The following NRG1 variants were observed in gnomAD, a reference collection of about 807,000 sequenced individuals.
The protein encoded by NRG1 is pro-neuregulin-1, membrane-bound isoform.
NRG1 carries 18 observed loss-of-function variants against 63.8 expected under a neutral mutation model. The observed-to-expected ratio is 0.28, with a 90% CI of 0.19 to 0.42. The LOEUF (loss-of-function observed/expected upper bound fraction) is 0.42, where lower values mean the gene tolerates loss of function less well. Ranked by LOEUF, NRG1 falls within the 10% of genes least tolerant of loss-of-function variation. NRG1 has a pLI of 1.00. For synonymous variants in NRG1, 302 were observed against 301.3 expected (o/e 1.00, Z -0.02); for missense variants, 762 against 814.7 (o/e 0.94, Z 0.79).
chr8:31,880,700 C>A (rs914086135), intron 1 of NRG1, among the ~76,000 whole-genome samples: 1 of 152,158 alleles, frequency 6.6e-6, no homozygotes, highest in African/African-American at 2.4e-5. Context: ...TTTAAGTAAT[C>A]ACCTGGAACA....
intron 1 of NRG1, among the ~76,000 whole-genome samples, chr8:31,658,653 G>A (rs1394683033): frequency 6.6e-6 from 1 of 152,150 alleles, no homozygotes; most frequent in Non-Finnish European, 1.5e-5. Flanking sequence ...TGTAGAGACA[G>A]GGTTTCACTG....
intron 1 of NRG1, among the ~76,000 whole-genome samples, chr8:32,519,416 A>T (rs1362626767): frequency 7.1e-6 from 1 of 141,764 alleles, no homozygotes; most frequent in Admixed American, 7.0e-5. Flanking sequence ...TGTAGTACGT[A>T]TAACTGATTT....
chr8:31,731,109 G>A (rs993588823), intron 1 of NRG1, among the ~76,000 whole-genome samples: 5 of 152,110 alleles, frequency 3.3e-5, no homozygotes, highest in Non-Finnish European at 7.4e-5. Context: ...TCTGGAAAGC[G>A]ATTTGGCAAT....
At chr8:32,614,445 G>A (rs377451297) in intron 3 of NRG1, 69 bp from the exon 4 acceptor site, 416 of 1,485,040 alleles carry the variant, frequency 2.8e-4, no homozygotes, top group East Asian at 1.1e-3. Context: ...TAGTTCCAAG[G>A]CAGGCTGTGG....
chr8:32,571,647 G>C (rs149734487), intron 1 of NRG1, among the ~76,000 whole-genome samples: 3 of 151,878 alleles, frequency 2.0e-5, no homozygotes, highest in Non-Finnish European at 2.9e-5. Context: ...CTTTCTTCAA[G>C]CTTTATTTGC....
In NRG1 at chr8:31,640,494, G is replaced by A. The variant is rs768851840; in HGVS notation, c.37+1063G>A. The A allele has an allele frequency of 1.2e-6, 2 of 1,609,702 alleles. No homozygotes were observed. The highest frequency in any genetic ancestry group is 1.7e-5 in the Admixed American group (1 of 59,776). ...TGAAGGTGCACCAGGTGTGGGCGGTGAAAGCCGGGGGCTTGAAGAAGGACT... is the reference window on the plus strand; with the variant it reads ...TGAAGGTGCACCAGGTGTGGGCGGTAAAAGCCGGGGGCTTGAAGAAGGACT... On this transcript the variant is annotated intron_variant, in intron 1 of 10. Coordinates refer to the NRG1 transcript ENST00000519301. This position sits in a 1 kb window ranked among gnomAD's most constrained non-coding sequence, Gnocchi z 6.3.
At chr8:32,050,640 A>C (rs973293363) in intron 1 of NRG1, among the ~76,000 whole-genome samples, 7 of 152,252 alleles carry the variant, frequency 4.6e-5, no homozygotes, top group African/African-American at 1.7e-4. Context: ...AAAACTGTAT[A>C]CAGACCACAT....
At chr8:32,269,662 G>C (rs1284940872) in intron 1 of NRG1, among the ~76,000 whole-genome samples, 1 of 152,104 alleles carries the variant, frequency 6.6e-6, no homozygotes. Flanking sequence ...CTTTTGAAGT[G>C]AAACTGTCAT....
In NRG1 at chr8:32,742,601, T is replaced by C; in HGVS notation, c.633-74T>C. ...TTCAGTCAAATGACACTGAAGGAGCTTCTTTCTAGCATATATTCACCTCTT... is the reference window on the plus strand; with the variant it reads ...TTCAGTCAAATGACACTGAAGGAGCCTCTTTCTAGCATATATTCACCTCTT... On this transcript the variant is annotated intron_variant, in intron 6 of 11. Coordinates refer to ENST00000356819, the Ensembl canonical transcript of NRG1. This position sits in a 1 kb window ranked among gnomAD's most constrained non-coding sequence, Gnocchi z 4.2. 3 of 1,401,596 alleles carry C rather than the reference T, an allele frequency of 2.1e-6. No individual in the cohort carries two copies. Among genetic ancestry groups the C allele is most frequent in the Non-Finnish European group, 3.0e-6 (3 of 995,404 alleles). 86.8% of individuals were successfully genotyped at this position (1,401,596 alleles called of 1,614,324 possible).
intron 1 of NRG1, among the ~76,000 whole-genome samples, chr8:32,326,307 CT>C (rs745434807): frequency 1.0e-3 from 104 of 101,412 alleles, no homozygotes; most frequent in Middle Eastern, 7.8e-3. Context: ...TGTGCCCAGG[CT>C]TTTTTTTTTT....
intron 1 of NRG1, among the ~76,000 whole-genome samples, chr8:32,259,886 A>G (rs1282482296): frequency 6.6e-6 from 1 of 152,124 alleles, no homozygotes; most frequent in East Asian, 1.9e-4. Context: ...AGCCTCTGCA[A>G]TCAGCTTTAT....
chr8:31,928,671 C>T (rs1002781455), intron 1 of NRG1, among the ~76,000 whole-genome samples: 3 of 151,454 alleles, frequency 2.0e-5, no homozygotes, highest in East Asian at 3.9e-4. Context: ...CACACACACA[C>T]CATGAAATAC....
At chr8:32,424,087 G>T (rs1817033469) in intron 1 of NRG1, among the ~76,000 whole-genome samples, 1 of 152,156 alleles carries the variant, frequency 6.6e-6, no homozygotes, top group Admixed American at 6.6e-5. Flanking sequence ...CGGCTGACTT[G>T]GTTAGTTGGG....
chr8:32,411,434 C>A (rs888877398), intron 1 of NRG1, among the ~76,000 whole-genome samples: 2 of 152,156 alleles, frequency 1.3e-5, no homozygotes, highest in Non-Finnish European at 1.5e-5. Context: ...TTAGGAGTGT[C>A]TACAGTTTCC....
At position 32,284,687 on chromosome 8, in the gene NRG1, C is replaced by T. The variant is rs372885329; in HGVS notation, c.38-311141C>T. ...CTGGGACCACAGGCACATATCAGCACGCTTGGCTAATTCTTTTTTGCCTTT... is the reference window on the plus strand; with the variant it reads ...CTGGGACCACAGGCACATATCAGCATGCTTGGCTAATTCTTTTTTGCCTTT... On this transcript the variant is annotated intron_variant, in intron 1 of 10. Coordinates refer to the NRG1 transcript ENST00000519301. Among the ~76,000 whole-genome samples the T allele has an allele frequency of 1.3e-4, 20 of 152,168 alleles. 1 individual carries two copies. Among genetic ancestry groups the T allele is most frequent in the South Asian group, 4.1e-4 (2 of 4,830 alleles).
chr8:32,672,123 C>T (rs1805833008), intron 5 of NRG1, among the ~76,000 whole-genome samples: 1 of 152,012 alleles, frequency 6.6e-6, no homozygotes, highest in African/African-American at 2.4e-5. Context: ...CGGCTCACTG[C>T]AACCTCCACC....
chr8:32,608,343 A>C (rs1473354254), intron 3 of NRG1, among the ~76,000 whole-genome samples: 1 of 151,340 alleles, frequency 6.6e-6, no homozygotes, highest in Non-Finnish European at 1.5e-5. Flanking sequence ...GCTAATTAAA[A>C]AAAAAAAATT....
At chr8:32,043,643 A>G (rs1051829549) in intron 1 of NRG1, among the ~76,000 whole-genome samples, 1 of 152,006 alleles carries the variant, frequency 6.6e-6, no homozygotes, top group Non-Finnish European at 1.5e-5. Context: ...TTTAATTTAA[A>G]TATCTACTAT....
chr8:32,093,247 G>C (rs1263481692), intron 1 of NRG1, among the ~76,000 whole-genome samples: 1 of 152,124 alleles, frequency 6.6e-6, no homozygotes, highest in Non-Finnish European at 1.5e-5. Context: ...GGCTATGCAG[G>C]ATGTGCATAG....
Sources: gnomAD v4.1 joint callset for allele counts (sites outside exome capture counted in the v4.1 genomes callset) on GRCh38, gnomAD v4.1.1 for gene constraint, Gnocchi (gnomAD v3.1) non-coding constraint, MANE v1.5 for transcripts, NCBI Gene and HGNC (gene_info 2026-07-23, HGNC 2026-07-21) for gene names.